ADAMTS6: variants seen among roughly 807,000 people sequenced by gnomAD.
ADAMTS6 encodes the protein ADAM metallopeptidase with thrombospondin type 1 motif 6.
A neutral mutation model predicts 144.3 loss-of-function variants in ADAMTS6; 23 were observed. That is an observed-to-expected ratio of 0.16 (90% CI 0.11 to 0.23). The LOEUF (loss-of-function observed/expected upper bound fraction) is 0.23. Ranked by LOEUF, ADAMTS6 falls within the 10% of genes least tolerant of loss-of-function variation. The probability of loss-of-function intolerance (pLI) is 1.00; values close to 1 mark genes in which losing one functional copy is unlikely to be tolerated. For synonymous variants in ADAMTS6, 444 were observed against 457.5 expected, an observed-to-expected ratio of 0.97 and a Z score of 0.38; for missense variants, 999 against 1,379.6, an observed-to-expected ratio of 0.72 and a Z score of 4.37.
intron 18 of ADAMTS6, among the ~76,000 whole-genome samples, chr5:65,223,751 G>A (rs1450141181): frequency 6.6e-6 from 1 of 151,380 alleles, no homozygotes; most frequent in Non-Finnish European, 1.5e-5. Flanking sequence ...TAGCTATTGT[G>A]AATAATGCTG....
chr5:65,274,499 G>C (rs1762301604), intron 11 of ADAMTS6, among the ~76,000 whole-genome samples: 1 of 151,884 alleles, frequency 6.6e-6, no homozygotes. Context: ...CAAAACATAA[G>C]AACTCACATT....
chr5:65,235,910 T>C (rs913045323), intron 15 of ADAMTS6, among the ~76,000 whole-genome samples: 2 of 152,256 alleles, frequency 1.3e-5, no homozygotes, highest in African/African-American at 4.8e-5. Context: ...ATGCTTAGTA[T>C]GAATTTAGGA....
intron 7 of ADAMTS6, among the ~76,000 whole-genome samples, chr5:65,410,430 C>A (rs1754954886): frequency 6.6e-6 from 1 of 152,052 alleles, no homozygotes; most frequent in South Asian, 2.1e-4. Context: ...ATATTTATAA[C>A]ATACAGCTTG....
chr5:65,438,011 C>A (rs1039009879), intron 7 of ADAMTS6, among the ~76,000 whole-genome samples: 3 of 152,102 alleles, frequency 2.0e-5, no homozygotes, highest in African/African-American at 2.4e-5. Flanking sequence ...TATTAAAGGG[C>A]AAGAATATTT....
chr5:65,212,677 C>T (rs1033338360), intron 20 of ADAMTS6, among the ~76,000 whole-genome samples: 2 of 151,804 alleles, frequency 1.3e-5, no homozygotes, highest in African/African-American at 4.8e-5. Context: ...TCATTTAATC[C>T]TTTCTTGGTC....
At chr5:65,400,128 C>T (rs76472131) in intron 7 of ADAMTS6, among the ~76,000 whole-genome samples, 7,193 of 152,100 alleles carry the variant, frequency 0.047, 354 homozygotes, top group African/African-American at 0.13. Context: ...TAGTTCCTAC[C>T]TTTGTTCCTC....
At chr5:65,421,670 C>A (rs909312874) in intron 7 of ADAMTS6, among the ~76,000 whole-genome samples, 1 of 151,938 alleles carries the variant, frequency 6.6e-6, no homozygotes, top group Non-Finnish European at 1.5e-5. Flanking sequence ...AATAGAGAAC[C>A]CAGAAATAAA....
intron 7 of ADAMTS6, among the ~76,000 whole-genome samples, chr5:65,417,744 A>G (rs1198396544): frequency 6.6e-6 from 1 of 152,130 alleles, no homozygotes; most frequent in Non-Finnish European, 1.5e-5. Context: ...CACAAATGGG[A>G]AATATTCCAT....
intron 7 of ADAMTS6, among the ~76,000 whole-genome samples, chr5:65,437,118 A>G (rs1757489112): frequency 1.3e-5 from 2 of 148,888 alleles, no homozygotes; most frequent in African/African-American, 5.0e-5. Flanking sequence ...TTTTTGAGAC[A>G]GAGTCTCGCT....
Position 65,353,642 on chromosome 5 carries a change from C to T in ADAMTS6, c.1074-19557G>A, listed in dbSNP as rs772340095. Among the ~76,000 whole-genome samples the T allele has an allele frequency of 5.9e-5, 9 of 152,008 alleles. No individual in the cohort carries two copies. The East Asian group carries it at 1.5e-3, about 26-fold the overall frequency. On this transcript the variant is annotated intron_variant, in intron 7 of 24. Coordinates refer to ENST00000381055, the MANE Select transcript of ADAMTS6 (RefSeq NM_197941.4). ...CTCAGATTTAAAAACTGTGATGTTA[C>T]TCACAAATTCTATATATTTATATAT...
chr5:65,377,290 T>C (rs561310758), intron 7 of ADAMTS6, among the ~76,000 whole-genome samples: 1 of 152,338 alleles, frequency 6.6e-6, no homozygotes, highest in African/African-American at 2.4e-5. Context: ...TGACCCATAC[T>C]GCCTTGCTTA....
intron 15 of ADAMTS6, among the ~76,000 whole-genome samples, chr5:65,227,296 A>C (rs549986694): frequency 6.6e-6 from 1 of 152,224 alleles, no homozygotes; most frequent in Non-Finnish European, 1.5e-5. Flanking sequence ...AGTTAAAAAT[A>C]GGCTTAGGTA....
chr5:65,170,853 A>G, intron 23 of ADAMTS6, 80 bp from the exon 24 acceptor site: 1 of 1,449,028 alleles, frequency 6.9e-7, no homozygotes, highest in Non-Finnish European at 9.4e-7. Context: ...GTCATTTCAA[A>G]TACAACACAA....
At chr5:65,470,563 TAG>T (rs1300160840) in intron 3 of ADAMTS6, among the ~76,000 whole-genome samples, 2 of 152,068 alleles carry the variant, frequency 1.3e-5, no homozygotes, top group Non-Finnish European at 2.9e-5. Context: ...CTTCTAATAA[TAG>T]AGTTTTAAAA....
intron 7 of ADAMTS6, among the ~76,000 whole-genome samples, chr5:65,427,383 AGCCTCAAACTCCCG>A (rs1437361957): frequency 1.3e-5 from 2 of 152,008 alleles, no homozygotes; most frequent in African/African-American, 4.8e-5. Flanking sequence ...TACTCATTGC[AGCCTCAAACTCCCG>A]GCCTCAAGGG....
At chr5:65,260,562 T>A in intron 14 of ADAMTS6, 38 bp downstream of exon 14, 1 of 1,578,912 alleles carries the variant, frequency 6.3e-7, no homozygotes, top group East Asian at 2.3e-5. Context: ...AGGGAAAGAG[T>A]AAGCTAATTT....
At chr5:65,398,719 GAA>G (rs1753565412) in intron 7 of ADAMTS6, among the ~76,000 whole-genome samples, 1 of 148,470 alleles carries the variant, frequency 6.7e-6, no homozygotes, top group Non-Finnish European at 1.5e-5. Flanking sequence ...CAGAAAGAGA[GAA>G]AGAGAGAGAG....
intron 21 of ADAMTS6, among the ~76,000 whole-genome samples, chr5:65,191,933 T>G (rs1045707650): frequency 4.6e-5 from 7 of 152,102 alleles, no homozygotes; most frequent in Non-Finnish European, 1.0e-4. Flanking sequence ...TGATGTCTGA[T>G]GTAATGGAAA....
chr5:65,479,633 C>T (rs1350947873), intron 1 of ADAMTS6, among the ~76,000 whole-genome samples: 1 of 152,148 alleles, frequency 6.6e-6, no homozygotes, highest in Non-Finnish European at 1.5e-5. Flanking sequence ...AATATGGTAA[C>T]TCCCTTCATT....
Sources: gnomAD v4.1 joint callset for allele counts (sites outside exome capture counted in the v4.1 genomes callset) on GRCh38, gnomAD v4.1.1 for gene constraint, MANE v1.5 for transcripts, NCBI Gene and HGNC (gene_info 2026-07-23, HGNC 2026-07-21) for gene names.